The following HAS3 variants were observed in gnomAD, a reference collection of about 807,000 sequenced individuals.
HAS3 encodes hyaluronan synthase 3.
A neutral mutation model predicts 50.3 loss-of-function variants in HAS3; 27 were observed. The observed-to-expected ratio is 0.54, with a 90% CI of 0.40 to 0.74. HAS3 has a LOEUF of 0.74. HAS3 is among the 30% of genes least tolerant of loss of function. HAS3 has a pLI of 0.00. For missense variants in HAS3, 517 were observed against 742.8 expected (o/e 0.70, Z 3.53); for synonymous variants, 339 against 310.9 (o/e 1.09, Z -0.95).
At chr16:69,091,832 C>A in the HAS3 span, among the ~76,000 whole-genome samples, 13 of 152,228 alleles carry the variant, frequency 8.5e-5, no homozygotes, top group Middle Eastern at 3.4e-3. Context: ...AGACTCTGCC[C>A]TTGGTGTATA....
the HAS3 span, among the ~76,000 whole-genome samples, chr16:69,091,766 C>T: frequency 2.6e-5 from 4 of 152,106 alleles, no homozygotes; most frequent in African/African-American, 4.8e-5. Flanking sequence ...CATAGTCATC[C>T]GGGAGAGAAA....
At chr16:69,083,588 A>T in the HAS3 span, 1 of 1,600,576 alleles carries the variant, frequency 6.2e-7, no homozygotes, top group Non-Finnish European at 8.5e-7. Flanking sequence ...GCCCTAGAAG[A>T]GCTGGATGAC....
At chr16:69,099,976 C>T in the HAS3 span, among the ~76,000 whole-genome samples, 1 of 152,102 alleles carries the variant, frequency 6.6e-6, no homozygotes, top group Non-Finnish European at 1.5e-5. Context: ...ACCTTCAAGC[C>T]AGCATAAAAG....
In HAS3 at chr16:69,109,376, C is replaced by T. The variant is rs199770702; in HGVS notation, c.1-20C>T. On this transcript the variant is annotated intron_variant, in intron 1 of 3. Transcript: ENST00000569188. The surrounding 1 kb of genome is among the most constrained non-coding windows in gnomAD (Gnocchi z 5.3). The stretch of plus-strand genomic sequence containing the variant: ...TGCTGCCTCCTGCCTGACCCTTCAT[C>T]TCCTGCCTTCTCTCGCCAGATGCCG... 3.1e-4 allele frequency: 485 copies of T among 1,583,488 alleles called. 6 individuals carry two copies. In the East Asian group the frequency reaches 0.011, roughly 35 times the overall value.
upstream of HAS3, among the ~76,000 whole-genome samples, chr16:69,101,398 T>A (rs1960695580): frequency 8.5e-5 from 13 of 152,070 alleles, no homozygotes; most frequent in Admixed American, 8.5e-4. Context: ...CCTCCCGGGT[T>A]CAAGGGATTC....
chr16:69,098,336 A>C, the HAS3 span, among the ~76,000 whole-genome samples: 4 of 151,508 alleles, frequency 2.6e-5, no homozygotes, highest in Admixed American at 2.0e-4. Context: ...GCGCCACTGC[A>C]CTCCAGCCTG....
In HAS3 at chr16:69,114,896, G is replaced by A. The variant is rs1232561101; in HGVS notation, c.1292G>A (p.Arg431Gln). 8.1e-6 allele frequency: 13 copies of A among 1,613,924 alleles called. No homozygotes were observed. The highest frequency in any genetic ancestry group is 2.2e-5 in the East Asian group (1 of 44,882). ...IIKATYACFL[R>Q]GNAEMIFMSL... ...AAGGCCACCTACGCCTGCTTCCTTC[G>A]GGGCAATGCAGAGATGATCTTCATG... The change falls in exon 4 of 4, where the codon CGG (arginine) becomes CAG (glutamine). Residue 431 changes from arginine (R) to glutamine (Q), a missense_variant. Arg to Gln is a conservative substitution (Grantham distance 43, BLOSUM62 1). Transcript: ENST00000569188. The surrounding 1 kb of genome is among the most constrained non-coding windows in gnomAD (Gnocchi z 6.4).
chr16:69,083,958 T>C, the HAS3 span: 45 of 226,356 alleles, frequency 2.0e-4, no homozygotes, highest in Non-Finnish European at 3.3e-4. Context: ...GGTGAAAGTA[T>C]ATTTTAACAT....
At chr16:69,112,518 C>T (rs1961041039) in intron 2 of HAS3, among the ~76,000 whole-genome samples, 1 of 152,208 alleles carries the variant, frequency 6.6e-6, no homozygotes. Context: ...TACTCAGCAA[C>T]TTTAATACAA....
chr16:69,087,696 CTTTTTTTTTT>C, the HAS3 span, among the ~76,000 whole-genome samples: 1 of 82,616 alleles, frequency 1.2e-5, no homozygotes, highest in African/African-American at 4.6e-5. Context: ...CCGCACCCGG[CTTTTTTTTTT>C]TTTTTTTTTT....
rs1485379758 is a variant in HAS3 at position 69,115,068 on chromosome 16, G to A, written c.1464G>A (p.Val488=). Residue 488 remains valine (V), a synonymous_variant, in exon 4 of 4, where the codon GTG becomes GTA. Transcript: ENST00000569188. The part of the protein sequence containing the change: ...FIGLIPVSIW[V]AVLLGGLAYT... ...GCCTCATTCCTGTGTCCATCTGGGTGGCAGTTCTCCTGGGAGGGCTGGCCT... is the reference window on the plus strand; with the variant it reads ...GCCTCATTCCTGTGTCCATCTGGGTAGCAGTTCTCCTGGGAGGGCTGGCCT... The A allele has an allele frequency of 6.2e-6, 10 of 1,613,834 alleles. No homozygotes were observed. Among genetic ancestry groups the A allele is most frequent in the Non-Finnish European group, 8.5e-6 (10 of 1,179,896 alleles).
chr16:69,092,592 C>A, the HAS3 span, among the ~76,000 whole-genome samples: 1 of 119,194 alleles, frequency 8.4e-6, no homozygotes. Flanking sequence ...CAGAGTGCAA[C>A]TCCGTCTCAA....
the HAS3 span, chr16:69,083,898 T>C: frequency 9.8e-6 from 4 of 410,036 alleles, no homozygotes; most frequent in African/African-American, 8.1e-5. Context: ...CAGATCTCAT[T>C]AATCTACATT....
At chr16:69,094,904 T>C in the HAS3 span, among the ~76,000 whole-genome samples, 3 of 152,236 alleles carry the variant, frequency 2.0e-5, no homozygotes, top group South Asian at 2.1e-4. Flanking sequence ...TCCTTCCTAA[T>C]TTCCAGCTCA....
the HAS3 span, chr16:69,085,140 C>G: frequency 6.6e-6 from 1 of 152,380 alleles, no homozygotes; most frequent in Non-Finnish European, 1.5e-5. Context: ...TTTGGGCCAG[C>G]TGGATGTACA....
In HAS3 at chr16:69,114,076, C is replaced by G. The variant is rs755767477; in HGVS notation, c.739-267C>G. Among the ~76,000 whole-genome samples, 5 of 152,200 alleles carry G rather than the reference C, an allele frequency of 3.3e-5. No individual in the cohort carries two copies. Among genetic ancestry groups the G allele is most frequent in the Non-Finnish European group, 7.4e-5 (5 of 68,026 alleles). The stretch of plus-strand genomic sequence containing the variant: ...ACCACCACAGGCTGCCTCCTGAGAC[C>G]GAAGGTGGCTTTGACTGCTAGAGCC... On this transcript the variant is annotated intron_variant, in intron 3 of 3. Coordinates refer to ENST00000569188, the MANE Select transcript of HAS3 (RefSeq NM_001199280.2). The surrounding 1 kb of genome is among the most constrained non-coding windows in gnomAD (Gnocchi z 6.4).
Position 69,116,288 on chromosome 16 carries a change from G to A in HAS3, c.*1022G>A, listed in dbSNP as rs894081609. On this transcript the variant is annotated 3_prime_UTR_variant, in exon 4 of 4. Coordinates refer to ENST00000569188, the MANE Select transcript of HAS3 (RefSeq NM_001199280.2). ...AGGTTTTCAAGGTGGCAATTGGGGC[G>A]GAGCCCCGGCTCTTATAGAAGCTTC... 4 of 985,194 alleles carry A rather than the reference G, an allele frequency of 4.1e-6. No homozygotes were observed. The highest frequency in any genetic ancestry group is 6.2e-5 in the Admixed American group (1 of 16,254). 61.0% of individuals were successfully genotyped at this position (985,194 alleles called of 1,614,324 possible).
At position 69,115,698 on chromosome 16, in the gene HAS3, C is replaced by T. The variant is rs1404060438; in HGVS notation, c.*432C>T. The stretch of plus-strand genomic sequence containing the variant: ...AGGTGGCAGGAGAATTTCTACTGAG[C>T]GAGCTGGGCCGGTTAGTGTATGTCA... On this transcript the variant is annotated 3_prime_UTR_variant, in exon 4 of 4. Transcript: ENST00000569188. 5.0e-6 allele frequency: 5 copies of T among 990,864 alleles called. No individual in the cohort carries two copies. Among genetic ancestry groups the T allele is most frequent in the Non-Finnish European group, 6.0e-6 (5 of 833,870 alleles). 61.4% of individuals were successfully genotyped at this position (990,864 alleles called of 1,614,324 possible). A position where few individuals can be genotyped will look rare whatever the true frequency, so the allele number is the denominator to read the frequency against.
downstream of HAS3, chr16:69,118,673 C>A (rs1348823786): frequency 5.9e-6 from 4 of 678,650 alleles, no homozygotes; most frequent in African/African-American, 5.3e-5. Context: ...AGTTCACATG[C>A]CACAAATAAC....
Sources: allele counts gnomAD v4.1 joint callset (sites outside exome capture counted in the v4.1 genomes callset), GRCh38; gene constraint gnomAD v4.1.1; non-coding constraint Gnocchi (gnomAD v3.1); transcripts MANE v1.5; gene names NCBI Gene and HGNC (gene_info 2026-07-23, HGNC 2026-07-21).